CACNA2D1: variants seen among roughly 807,000 people sequenced by gnomAD.
CACNA2D1 encodes the protein voltage-dependent calcium channel subunit alpha-2/delta-1.
CACNA2D1 carries 53 observed loss-of-function variants against 171.5 expected under a neutral mutation model. The observed-to-expected ratio is 0.31, with a 90% CI of 0.25 to 0.39. The LOEUF is 0.39. CACNA2D1 is among the 10% of genes least tolerant of loss of function. CACNA2D1 has a pLI of 1.00. For missense variants in CACNA2D1, 903 were observed against 1,299.8 expected (o/e 0.69, Z 4.69); for synonymous variants, 442 against 443.1 (o/e 1.00, Z 0.03).
rs971590603 is a variant in CACNA2D1 at position 82,443,440 on chromosome 7, A to T, written c.20T>A (p.Leu7Gln). The T allele has an allele frequency of 6.2e-7, 1 of 1,607,896 alleles. No homozygotes were observed. MAAGCL[L>Q]ALTLTLFQSL... Reference sequence around the variant, plus strand: ...TTGGAAAAGTGTCAGAGTCAAGGCCAGCAGGCAGCCAGCAGCCATCTTCGC... The same window carrying T: ...TTGGAAAAGTGTCAGAGTCAAGGCCTGCAGGCAGCCAGCAGCCATCTTCGC... Residue 7 changes from leucine to glutamine, a missense_variant, in exon 1 of 39, where the codon CTG (leucine) becomes CAG (glutamine). Coordinates refer to ENST00000356860, the MANE Select transcript of CACNA2D1 (RefSeq NM_000722.4).
intron 3 of CACNA2D1, among the ~76,000 whole-genome samples, chr7:82,194,634 A>G (rs1798674737): frequency 6.6e-6 from 1 of 151,924 alleles, no homozygotes; most frequent in Admixed American, 6.6e-5. Flanking sequence ...TTTGACATTT[A>G]TATATATTAC....
rs938613655 is a variant in CACNA2D1, at chr7:82,222,725, C to T, written c.295-52116G>A. Among the ~76,000 whole-genome samples, 9 of 128,356 alleles carry T rather than the reference C, an allele frequency of 7.0e-5. No homozygotes were observed. The South Asian group carries it at 7.6e-4, about 11-fold the overall frequency. The allele number at this position is 128,356 out of a possible 152,430, so 84.2% of individuals were successfully genotyped here. A position where few individuals can be genotyped will look rare whatever the true frequency, so the allele number is the denominator to read the frequency against. On this transcript the variant is annotated intron_variant, in intron 3 of 38. Coordinates refer to ENST00000356860, the MANE Select transcript of CACNA2D1 (RefSeq NM_000722.4). Reference sequence around the variant, plus strand: ...AAGCTGAGCTCTTGAGGGCAGGAATCTTTTCTTTTCTTATTCATTTTTTTT... The same window carrying T: ...AAGCTGAGCTCTTGAGGGCAGGAATTTTTTCTTTTCTTATTCATTTTTTTT...
At chr7:82,322,295 T>A (rs1462473538) in intron 3 of CACNA2D1, among the ~76,000 whole-genome samples, 1 of 151,076 alleles carries the variant, frequency 6.6e-6, no homozygotes, top group Non-Finnish European at 1.5e-5. Context: ...AAACTGAAAT[T>A]CCAAAATTCC....
chr7:82,088,949 G>A (rs965316370), intron 6 of CACNA2D1, among the ~76,000 whole-genome samples: 2 of 151,644 alleles, frequency 1.3e-5, no homozygotes, highest in African/African-American at 2.4e-5. Context: ...CACATGTGCC[G>A]TTCACAACAG....
At chr7:82,137,985 A>G (rs996720564) in intron 4 of CACNA2D1, among the ~76,000 whole-genome samples, 3 of 152,168 alleles carry the variant, frequency 2.0e-5, no homozygotes, top group Admixed American at 6.5e-5. Flanking sequence ...AAAAATCACT[A>G]CTTCTTCAAG....
chr7:82,093,225 G>A (rs1563035594), intron 6 of CACNA2D1, among the ~76,000 whole-genome samples: 1 of 152,102 alleles, frequency 6.6e-6, no homozygotes, highest in African/African-American at 2.4e-5. Flanking sequence ...CACTCGTACA[G>A]TGGGGATAAT....
chr7:81,968,688 A>G (rs1794956681), intron 29 of CACNA2D1, among the ~76,000 whole-genome samples, 199 bp downstream of exon 29: 1 of 151,318 alleles, frequency 6.6e-6, no homozygotes, highest in Non-Finnish European at 1.5e-5. Flanking sequence ...AATTCCTCAA[A>G]TCTATGTAGT....
At chr7:82,268,221 GTTCAAAGAACACAGTGCAA>G (rs965558816) in intron 3 of CACNA2D1, among the ~76,000 whole-genome samples, 2 of 152,088 alleles carry the variant, frequency 1.3e-5, no homozygotes, top group African/African-American at 4.8e-5. Flanking sequence ...GATTAAAATT[GTTCAAAGAACACAGTGCAA>G]TAATTGCATC....
intron 3 of CACNA2D1, among the ~76,000 whole-genome samples, chr7:82,203,854 TA>T (rs147446398): frequency 0.028 from 4,276 of 152,254 alleles, 193 homozygotes; most frequent in African/African-American, 0.098. Flanking sequence ...ACTTACCTAA[TA>T]GCAGATGGAT....
chr7:81,953,797 A>G lies in CACNA2D1; in HGVS notation c.3160-3289T>C, dbSNP rs569820561. On this transcript the variant is annotated intron_variant, in intron 38 of 38. Transcript: ENST00000356860. The stretch of plus-strand genomic sequence containing the variant: ...CCACACAAGACCCATTTGTGTATTA[A>G]TAACATATTTTGTCATCTTTATACT... Among the ~76,000 whole-genome samples, 3 of 152,292 alleles carry G rather than the reference A, an allele frequency of 2.0e-5. No homozygotes were observed. In the South Asian group the frequency reaches 6.2e-4, roughly 32 times the overall value.
chr7:82,111,277 T>C (rs1331881004), intron 6 of CACNA2D1, among the ~76,000 whole-genome samples: 1 of 120,926 alleles, frequency 8.3e-6, no homozygotes, highest in African/African-American at 3.6e-5. Flanking sequence ...TACACACACA[T>C]ATATATATGT....
chr7:82,336,867 T>C (rs1391787885), intron 2 of CACNA2D1, among the ~76,000 whole-genome samples: 1 of 152,180 alleles, frequency 6.6e-6, no homozygotes, highest in Non-Finnish European at 1.5e-5. Context: ...GTACCATTAA[T>C]ACCTTGTTCA....
intron 5 of CACNA2D1, among the ~76,000 whole-genome samples, chr7:82,132,132 T>C (rs1791061470): frequency 6.6e-6 from 1 of 152,222 alleles, no homozygotes; most frequent in Non-Finnish European, 1.5e-5. Context: ...GTTATCAAAA[T>C]GCATTAGGAG....
At chr7:82,152,525 G>GT (rs1793973200) in intron 4 of CACNA2D1, among the ~76,000 whole-genome samples, 2 of 151,862 alleles carry the variant, frequency 1.3e-5, no homozygotes, top group Admixed American at 6.6e-5. Context: ...GGAATCCTGT[G>GT]TTTTTCTGTA....
intron 3 of CACNA2D1, among the ~76,000 whole-genome samples, chr7:82,297,390 G>C (rs541963671): frequency 6.6e-6 from 1 of 152,116 alleles, no homozygotes; most frequent in African/African-American, 2.4e-5. Flanking sequence ...CTTCCTTTGT[G>C]GGGGGAGATG....
At chr7:82,360,119 T>C (rs780326377) in intron 1 of CACNA2D1, among the ~76,000 whole-genome samples, 2 of 152,206 alleles carry the variant, frequency 1.3e-5, no homozygotes, top group African/African-American at 2.4e-5. Context: ...ATCTGATTCA[T>C]GGTTTGGTTT....
At chr7:82,044,284 T>C (rs969910961) in intron 10 of CACNA2D1, among the ~76,000 whole-genome samples, 3 of 152,194 alleles carry the variant, frequency 2.0e-5, no homozygotes, top group Non-Finnish European at 2.9e-5. Flanking sequence ...TAGGGTACTT[T>C]GTACATTGTT....
rs1795619464 is a variant in CACNA2D1, at chr7:81,974,483, A to C, written c.2025T>G (p.Ile675Met). The C allele has an allele frequency of 6.4e-7, 1 of 1,564,950 alleles. No individual in the cohort carries two copies. The highest frequency in any genetic ancestry group is 8.8e-7 in the Non-Finnish European group (1 of 1,136,750). The change falls in exon 25 of 39, where the codon ATT becomes ATG. Residue 675 changes from isoleucine (I) to methionine (M), a missense_variant. By Grantham distance (10) the Ile-to-Met change is conservative (BLOSUM62 1). Transcript: ENST00000356860. The part of the protein sequence containing the change: ...TEFLLNFNEF[I>M]DRKTPNNPSC... ...ATGGGTTGTTTGGAGTTTTTCTATCAATAAACTCGTTGAAATTTAAAAGAA... is the reference window on the plus strand; with the variant it reads ...ATGGGTTGTTTGGAGTTTTTCTATCCATAAACTCGTTGAAATTTAAAAGAA...
rs1050436581 is a variant in CACNA2D1 at position 82,036,505 on chromosome 7, C to T, written c.1038+1572G>A. On this transcript the variant is annotated intron_variant, in intron 11 of 38. Coordinates refer to ENST00000356860, the MANE Select transcript of CACNA2D1 (RefSeq NM_000722.4). The stretch of plus-strand genomic sequence containing the variant: ...ATCATTCTTCAAAACCTCATTTTCA[C>T]GGAAATGCCACACTTTTCCTGACCT... 5.3e-5 allele frequency among the ~76,000 whole-genome samples: 8 copies of T among 152,122 alleles called. No individual in the cohort carries two copies. The South Asian group carries it at 1.5e-3, about 28-fold the overall frequency.
Sources: gnomAD v4.1 joint callset for allele counts (sites outside exome capture counted in the v4.1 genomes callset) on GRCh38, gnomAD v4.1.1 for gene constraint, MANE v1.5 for transcripts, NCBI Gene and HGNC (gene_info 2026-07-23, HGNC 2026-07-21) for gene names.